The following RAB7A variants were observed in gnomAD, a reference collection of about 807,000 sequenced individuals.
The protein encoded by RAB7A is RAB7A, member RAS oncogene family.
RAB7A carries 2 observed loss-of-function variants against 24.5 expected under a neutral mutation model. The ratio of observed to expected loss-of-function variants is 0.08; its 90% confidence interval spans 0.03 to 0.26. The LOEUF is 0.26. Ranked by LOEUF, RAB7A falls within the 10% of genes least tolerant of loss-of-function variation. The pLI, the probability that RAB7A is intolerant of heterozygous loss-of-function variation, is 1.00. For missense variants in RAB7A, 118 were observed against 255.7 expected (o/e 0.46, Z 3.67); for synonymous variants, 100 against 95.9 (o/e 1.04, Z -0.25).
At chr3:128,733,101 T>C (rs2070454573) in intron 1 of RAB7A, among the ~76,000 whole-genome samples, 2 of 152,250 alleles carry the variant, frequency 1.3e-5, no homozygotes, top group Admixed American at 1.3e-4. Context: ...ATCATTTCTG[T>C]ATTTTAGTAA....
intron 1 of RAB7A, among the ~76,000 whole-genome samples, chr3:128,793,472 G>A (rs564995294): frequency 6.6e-6 from 1 of 152,242 alleles, no homozygotes; most frequent in Non-Finnish European, 1.5e-5. Context: ...TTTTAGTAGA[G>A]ACGGGGTTTC....
intron 1 of RAB7A, among the ~76,000 whole-genome samples, chr3:128,742,046 G>GCGTGT (rs1409374079): frequency 1.3e-5 from 2 of 152,128 alleles, no homozygotes; most frequent in Admixed American, 6.5e-5. Context: ...CTTAAAGATA[G>GCGTGT]CGTGTCCAGA....
At chr3:128,791,992 C>G (rs768440773) in intron 1 of RAB7A, among the ~76,000 whole-genome samples, 8 of 152,222 alleles carry the variant, frequency 5.3e-5, no homozygotes, top group Non-Finnish European at 1.2e-4. Context: ...CCCATCAACC[C>G]TCACACAGGT....
At chr3:128,757,078 C>G (rs2070735507) in intron 1 of RAB7A, among the ~76,000 whole-genome samples, 1 of 152,096 alleles carries the variant, frequency 6.6e-6, no homozygotes, top group South Asian at 2.1e-4. Context: ...TCCCTGGCCT[C>G]AGGTGATCCA....
chr3:128,745,950 CT>C (rs1461710590), intron 1 of RAB7A, among the ~76,000 whole-genome samples: 2 of 152,246 alleles, frequency 1.3e-5, no homozygotes, highest in African/African-American at 4.8e-5. Flanking sequence ...CCAGCGCCCC[CT>C]GGCACCTATT....
intron 1 of RAB7A, among the ~76,000 whole-genome samples, chr3:128,792,884 A>G (rs1933488990): frequency 7.2e-6 from 1 of 138,862 alleles, no homozygotes; most frequent in African/African-American, 2.7e-5. Flanking sequence ...AGTGCCTCGC[A>G]CTGTCACCCA....
chr3:128,774,794 G>C (rs967416894), intron 1 of RAB7A, among the ~76,000 whole-genome samples: 2 of 152,028 alleles, frequency 1.3e-5, no homozygotes, highest in Non-Finnish European at 2.9e-5. Flanking sequence ...GGATGGTCTC[G>C]ATCTCCTGCC....
intron 5 of RAB7A, among the ~76,000 whole-genome samples, chr3:128,811,630 A>G (rs1933929562): frequency 6.6e-6 from 1 of 152,138 alleles, no homozygotes; most frequent in South Asian, 2.1e-4. Flanking sequence ...CCGGAGGATC[A>G]CTTGAAACCA....
intron 1 of RAB7A, among the ~76,000 whole-genome samples, chr3:128,754,804 G>A (rs1056208434): frequency 6.6e-6 from 1 of 152,070 alleles, no homozygotes; most frequent in Non-Finnish European, 1.5e-5. Flanking sequence ...ACGAGACAAA[G>A]CAGGACATTA....
At chr3:128,760,346 C>T (rs1247638083) in intron 1 of RAB7A, among the ~76,000 whole-genome samples, 2 of 152,216 alleles carry the variant, frequency 1.3e-5, no homozygotes, top group Admixed American at 1.3e-4. Flanking sequence ...TCTCAGCCTA[C>T]ATAATCCTGT....
intron 1 of RAB7A, among the ~76,000 whole-genome samples, chr3:128,760,549 TG>T (rs1228746368): frequency 1.3e-5 from 2 of 152,212 alleles, no homozygotes; most frequent in African/African-American, 4.8e-5. Context: ...TGCTAATAGC[TG>T]GTTTGTGAGT....
chr3:128,802,934 A>G (rs1191899423), intron 3 of RAB7A, among the ~76,000 whole-genome samples: 1 of 152,050 alleles, frequency 6.6e-6, no homozygotes, highest in Non-Finnish European at 1.5e-5. Flanking sequence ...CCTCCCAAGT[A>G]GCTGGGATTA....
chr3:128,753,676 C>T (rs1482279085), intron 1 of RAB7A, among the ~76,000 whole-genome samples: 2 of 152,188 alleles, frequency 1.3e-5, no homozygotes, highest in Admixed American at 1.3e-4. Context: ...AAGATGGTCC[C>T]TTGTTTCTGT....
chr3:128,730,350 C>T (rs939563552), intron 1 of RAB7A, among the ~76,000 whole-genome samples: 1 of 152,042 alleles, frequency 6.6e-6, no homozygotes, highest in Non-Finnish European at 1.5e-5. Context: ...CTGCCTCAGC[C>T]TCCCGAGTAG....
rs1446273256 is a variant in RAB7A at position 128,726,682 on chromosome 3, C to T, written c.-9+323C>T. On this transcript the variant is annotated intron_variant, in intron 1 of 5. Coordinates refer to ENST00000265062, the MANE Select transcript of RAB7A (RefSeq NM_004637.6). ...TGGGCGGCCCTGCGCCGCGGCAGGA[C>T]GCGCTGGCCAGTGGAGTTCCTTAGC... 1.1e-3 allele frequency among the ~76,000 whole-genome samples: 167 copies of T among 152,342 alleles called. 3 individuals are homozygous for T. Among genetic ancestry groups the T allele is most frequent in the East Asian group, 3.9e-4 (2 of 5,166 alleles).
At position 128,813,379 on chromosome 3, in the gene RAB7A, A is replaced by G. The variant is rs781110052; in HGVS notation, c.581A>G (p.Lys194Arg). The change falls in exon 6 of 6, where the codon AAG (lysine) becomes AGG (arginine). Residue 194 changes from lysine to arginine, a missense_variant. By Grantham distance (26) the Lys-to-Arg change is conservative (BLOSUM62 2). This residue lies in a region of RAB7A where 66 missense variants were observed against 82.2 expected (regional missense o/e 0.80). Coordinates refer to ENST00000265062, the MANE Select transcript of RAB7A (RefSeq NM_004637.6). ...NEFPEPIKLDKNDRAKASAES... is the reference protein window; with the variant it reads ...NEFPEPIKLDRNDRAKASAES... The stretch of plus-strand genomic sequence containing the variant: ...TTTCCTGAACCTATCAAACTGGACA[A>G]GAATGACCGGGCCAAGGCCTCGGCA... The G allele has an allele frequency of 6.2e-7, 1 of 1,614,236 alleles. No individual in the cohort carries two copies. The highest frequency in any genetic ancestry group is 1.7e-5 in the Admixed American group (1 of 60,022).
At chr3:128,812,963 A>G (rs1288364083) in intron 5 of RAB7A, among the ~76,000 whole-genome samples, 4 of 152,232 alleles carry the variant, frequency 2.6e-5, no homozygotes, top group African/African-American at 7.2e-5. Flanking sequence ...ATTGGCAACT[A>G]TAGGGAACAT....
At chr3:128,741,623 A>G (rs973594541) in intron 1 of RAB7A, among the ~76,000 whole-genome samples, 2 of 152,046 alleles carry the variant, frequency 1.3e-5, no homozygotes, top group South Asian at 2.1e-4. Flanking sequence ...CACTCAAGCA[A>G]TCCTCCCACC....
intron 1 of RAB7A, among the ~76,000 whole-genome samples, chr3:128,745,120 C>T (rs139479624): frequency 2.4e-4 from 36 of 152,122 alleles, no homozygotes; most frequent in African/African-American, 8.7e-4. Flanking sequence ...ATGATCCACC[C>T]GTCTCGGCCT....
Sources: allele counts gnomAD v4.1 joint callset (sites outside exome capture counted in the v4.1 genomes callset), GRCh38; gene constraint gnomAD v4.1.1; regional missense constraint gnomAD v4.1.1; transcripts MANE v1.5; gene names NCBI Gene and HGNC (gene_info 2026-07-23, HGNC 2026-07-21).